Variants in PRKN observed in about 807,000 individuals in gnomAD.
PRKN encodes the protein E3 ubiquitin-protein ligase parkin.
Under a neutral mutation model 59.5 loss-of-function variants are expected in PRKN, and 56 were observed. That is an observed-to-expected ratio of 0.94 (90% CI 0.76 to 1.18). The LOEUF is 1.18. Among genes scored for constraint, PRKN ranks in the 50% most tolerant of loss-of-function variants. The pLI, the probability that PRKN is intolerant of heterozygous loss-of-function variation, is 0.00. For missense variants in PRKN, 657 were observed against 596.4 expected (o/e 1.10, Z -1.06); for synonymous variants, 250 against 222.1 (o/e 1.13, Z -1.12).
intron 9 of PRKN, among the ~76,000 whole-genome samples, chr6:161,542,447 T>A (rs1779649807): frequency 6.6e-6 from 1 of 152,234 alleles, no homozygotes; most frequent in South Asian, 2.1e-4. Context: ...ATGCAGAACT[T>A]GTTTGTACAT....
intron 2 of PRKN, among the ~76,000 whole-genome samples, chr6:162,411,040 A>G (rs899790043): frequency 3.9e-5 from 6 of 152,226 alleles, no homozygotes; most frequent in Admixed American, 6.5e-5. Context: ...ACATATTCAT[A>G]TAGTCCTTTG....
chr6:162,714,042 G>A (rs968436173), intron 1 of PRKN, among the ~76,000 whole-genome samples: 6 of 152,152 alleles, frequency 3.9e-5, no homozygotes, highest in African/African-American at 1.4e-4. Context: ...GGAATGTGAC[G>A]TTTGATCATT....
intron 2 of PRKN, among the ~76,000 whole-genome samples, chr6:162,427,962 C>CA (rs1394204907): frequency 6.6e-6 from 1 of 151,812 alleles, no homozygotes; most frequent in Non-Finnish European, 1.5e-5. Context: ...GCAGTACATC[C>CA]ATCGCTTCAG....
At chr6:162,174,551 A>ACG (rs1783446826) in intron 4 of PRKN, among the ~76,000 whole-genome samples, 1 of 151,764 alleles carries the variant, frequency 6.6e-6, no homozygotes, top group Non-Finnish European at 1.5e-5. Context: ...TATGAAACAC[A>ACG]GTATTTTAAA....
At chr6:162,556,336 T>C (rs1779568019) in intron 1 of PRKN, among the ~76,000 whole-genome samples, 2 of 133,710 alleles carry the variant, frequency 1.5e-5, no homozygotes, top group African/African-American at 2.6e-5. Context: ...CAGTAACTAC[T>C]CAGCTGGTGT....
At chr6:161,594,442 A>G (rs1781842026) in intron 7 of PRKN, among the ~76,000 whole-genome samples, 1 of 152,222 alleles carries the variant, frequency 6.6e-6, no homozygotes, top group Non-Finnish European at 1.5e-5. Context: ...GGCTTTCAAG[A>G]AGAGTGGCAG....
At chr6:161,828,395 G>A (rs188642396) in intron 6 of PRKN, among the ~76,000 whole-genome samples, 69 of 152,198 alleles carry the variant, frequency 4.5e-4, no homozygotes, top group Middle Eastern at 6.8e-3. Flanking sequence ...TTACAAATAC[G>A]ACTCTGTGGT....
chr6:161,821,663 C>CCTTGACT (rs1185282596), intron 6 of PRKN, among the ~76,000 whole-genome samples: 2 of 150,050 alleles, frequency 1.3e-5, no homozygotes, highest in Non-Finnish European at 3.0e-5. Flanking sequence ...ATCCCTACAG[C>CCTTGACT]CTTGACTGAG....
intron 4 of PRKN, among the ~76,000 whole-genome samples, chr6:162,097,773 T>G (rs2128298129): frequency 6.6e-6 from 1 of 152,344 alleles, no homozygotes; most frequent in African/African-American, 2.4e-5. Context: ...TACACACTGC[T>G]TAGAATTTAA....
At chr6:161,731,586 T>C (rs1787713842) in intron 7 of PRKN, among the ~76,000 whole-genome samples, 1 of 152,252 alleles carries the variant, frequency 6.6e-6, no homozygotes, top group Non-Finnish European at 1.5e-5. Context: ...GTTTATCTAA[T>C]AAAAGTTGTA....
chr6:161,980,396 G>A (rs903863606), intron 5 of PRKN, among the ~76,000 whole-genome samples: 1 of 152,144 alleles, frequency 6.6e-6, no homozygotes, highest in African/African-American at 2.4e-5. Context: ...TACTTAACAC[G>A]TAACTGCATA....
intron 4 of PRKN, among the ~76,000 whole-genome samples, chr6:162,079,575 A>AATT (rs1399952912): frequency 6.6e-6 from 1 of 152,034 alleles, no homozygotes; most frequent in Admixed American, 6.6e-5. Flanking sequence ...CCCCTGTTTA[A>AATT]ACCCCTCTCA....
intron 5 of PRKN, among the ~76,000 whole-genome samples, chr6:162,033,185 G>C (rs1783706255): frequency 6.6e-6 from 1 of 152,132 alleles, no homozygotes; most frequent in Non-Finnish European, 1.5e-5. Context: ...GTGTATCAGG[G>C]TCTAGGACAA....
At chr6:162,253,406 T>C (rs908723790) in intron 3 of PRKN, among the ~76,000 whole-genome samples, 3 of 152,160 alleles carry the variant, frequency 2.0e-5, no homozygotes, top group Non-Finnish European at 4.4e-5. Flanking sequence ...TACTGGGACA[T>C]AACATTTCTT....
At chr6:162,551,518 T>G (rs1019914116) in intron 1 of PRKN, among the ~76,000 whole-genome samples, 3 of 152,228 alleles carry the variant, frequency 2.0e-5, no homozygotes, top group Admixed American at 6.5e-5. Context: ...AGGCAAGTAC[T>G]TCTTAGCATT....
At chr6:161,963,779 T>C (rs1359556455) in intron 6 of PRKN, among the ~76,000 whole-genome samples, 1 of 152,258 alleles carries the variant, frequency 6.6e-6, no homozygotes, top group Non-Finnish European at 1.5e-5. Flanking sequence ...AGATTTTCCT[T>C]TAAGTCAGCA....
chr6:161,946,354 T>C (rs1779772325), intron 6 of PRKN, among the ~76,000 whole-genome samples: 1 of 149,668 alleles, frequency 6.7e-6, no homozygotes, highest in South Asian at 2.1e-4. Flanking sequence ...AAGATGAAAA[T>C]AAATACGGTT....
intron 6 of PRKN, among the ~76,000 whole-genome samples, chr6:161,937,377 T>G (rs540198981): frequency 6.6e-6 from 1 of 152,306 alleles, no homozygotes; most frequent in East Asian, 1.9e-4. Context: ...CAACAGAAAA[T>G]TTTATTCTCC....
intron 7 of PRKN, among the ~76,000 whole-genome samples, chr6:161,628,165 T>G (rs1387045493): frequency 6.6e-6 from 1 of 152,242 alleles, no homozygotes; most frequent in Non-Finnish European, 1.5e-5. Flanking sequence ...GTCATTTACA[T>G]GATTTTAGTC....
Sources: allele counts gnomAD v4.1 joint callset (sites outside exome capture counted in the v4.1 genomes callset), GRCh38; gene constraint gnomAD v4.1.1; transcripts MANE v1.5; gene names NCBI Gene and HGNC (gene_info 2026-07-23, HGNC 2026-07-21).